The following PDE11A variants were observed in gnomAD, a reference collection of about 807,000 sequenced individuals.
PDE11A encodes phosphodiesterase 11A, also known as dual 3',5'-cyclic-AMP and -GMP phosphodiesterase 11A.
Under a neutral mutation model 100.5 loss-of-function variants are expected in PDE11A, and 100 were observed. That is an observed-to-expected ratio of 1.00 (90% CI 0.85 to 1.18). PDE11A has a LOEUF of 1.18. Ranked by LOEUF, PDE11A falls within the 50% of genes most tolerant of loss-of-function variation. The pLI, the probability that PDE11A is intolerant of heterozygous loss-of-function variation, is 0.00. For synonymous variants in PDE11A, 381 were observed against 420.8 expected, an observed-to-expected ratio of 0.91 and a Z score of 1.16; for missense variants, 1,141 against 1,152.6, an observed-to-expected ratio of 0.99 and a Z score of 0.15.
chr2:177,739,329 A>G (rs778406720), intron 10 of PDE11A, among the ~76,000 whole-genome samples: 1 of 152,304 alleles, frequency 6.6e-6, no homozygotes, highest in Non-Finnish European at 1.5e-5. Flanking sequence ...GCTAATGGCA[A>G]TAGTAGGCTA....
intron 1 of PDE11A, among the ~76,000 whole-genome samples, chr2:178,030,829 G>C (rs2086536586): frequency 1.3e-5 from 2 of 152,150 alleles, no homozygotes; most frequent in African/African-American, 4.8e-5. Context: ...AGTGAATCTT[G>C]TGATTGTGTC....
At chr2:177,830,299 T>C (rs1482887133) in intron 6 of PDE11A, among the ~76,000 whole-genome samples, 1 of 152,152 alleles carries the variant, frequency 6.6e-6, no homozygotes, top group African/African-American at 2.4e-5. Flanking sequence ...AACTGTGAGA[T>C]AATAATCAGT....
Position 177,956,266 on chromosome 2 carries a change from TC to T in PDE11A, c.1072-51080del, listed in dbSNP as rs1221980770. Among the ~76,000 whole-genome samples the T allele has an allele frequency of 8.5e-5, 13 of 152,238 alleles. No individual in the cohort carries two copies. The East Asian group carries it at 2.3e-3, about 27-fold the overall frequency. On this transcript the variant is annotated intron_variant, in intron 2 of 19. Coordinates refer to ENST00000286063, the MANE Select transcript of PDE11A (RefSeq NM_016953.4). ...TGGGCGAAGGATATGAACAGACACT[TC>T]TCAAAAGAAGATATTTATGCAGCCA...
At chr2:177,914,806 C>T (rs1374738995) in intron 2 of PDE11A, among the ~76,000 whole-genome samples, 3 of 152,142 alleles carry the variant, frequency 2.0e-5, no homozygotes, top group Non-Finnish European at 2.9e-5. Flanking sequence ...AATACATTCA[C>T]ATTATTTCCT....
At chr2:177,674,172 CCT>C in intron 17 of PDE11A, among the ~76,000 whole-genome samples, 1 of 152,214 alleles carries the variant, frequency 6.6e-6, no homozygotes, top group East Asian at 1.9e-4. Context: ...AGCTCTGCCA[CCT>C]ACAAGCTGTT....
At chr2:178,028,574 T>C (rs1207058341) in intron 1 of PDE11A, among the ~76,000 whole-genome samples, 12 of 152,210 alleles carry the variant, frequency 7.9e-5, no homozygotes, top group Non-Finnish European at 1.8e-4. Flanking sequence ...GGCACTCTCA[T>C]CTAAGCTATT....
intron 2 of PDE11A, among the ~76,000 whole-genome samples, chr2:178,094,443 G>A (rs1191945529): frequency 2.0e-5 from 3 of 152,130 alleles, no homozygotes; most frequent in African/African-American, 7.2e-5. Flanking sequence ...GAGGCGGGAT[G>A]ATCAGTTGAG....
At chr2:178,053,661 C>CAA (rs202004337) in intron 1 of PDE11A, among the ~76,000 whole-genome samples, 3,802 of 151,880 alleles carry the variant, frequency 0.025, 147 homozygotes, top group African/African-American at 0.086. Context: ...GCAACTTCAG[C>CAA]AGTCTCAGGA....
chr2:177,654,653 T>C (rs1034004591), intron 19 of PDE11A, among the ~76,000 whole-genome samples: 5 of 152,170 alleles, frequency 3.3e-5, no homozygotes, highest in Admixed American at 6.5e-5. Context: ...TGGACAGTAG[T>C]ATGAAGGGGT....
rs545601150 is a variant in PDE11A at position 178,041,542 on chromosome 2, A to G, written c.913-27082T>C. Among the ~76,000 whole-genome samples the G allele has an allele frequency of 3.0e-4, 45 of 152,228 alleles. No homozygotes were observed. In the South Asian group the frequency reaches 9.1e-3, roughly 31 times the overall value. Reference sequence around the variant, plus strand: ...GGTGTGAGCCATCGCACCCGGCCAGAAAATTCTTTTAAGAACCACGTGACT... The same window carrying G: ...GGTGTGAGCCATCGCACCCGGCCAGGAAATTCTTTTAAGAACCACGTGACT... On this transcript the variant is annotated intron_variant, in intron 1 of 19. Transcript: ENST00000286063.
chr2:177,998,109 G>A (rs748662529), intron 2 of PDE11A: 72 of 1,291,670 alleles, frequency 5.6e-5, no homozygotes, highest in African/African-American at 7.3e-5. Flanking sequence ...GTTCTAGGTC[G>A]GCCTGTTCAG....
intron 12 of PDE11A, among the ~76,000 whole-genome samples, chr2:177,715,401 G>A (rs536809611): frequency 6.6e-6 from 1 of 152,026 alleles, no homozygotes; most frequent in African/African-American, 2.4e-5. Flanking sequence ...TTCAATTTGT[G>A]TGTTAAGCCT....
intron 9 of PDE11A, among the ~76,000 whole-genome samples, chr2:177,774,727 A>G (rs114652872): frequency 0.011 from 1,681 of 152,258 alleles, 36 homozygotes; most frequent in African/African-American, 0.038. Context: ...CTAACTTCCA[A>G]CTTGGTCAAT....
intron 1 of PDE11A, among the ~76,000 whole-genome samples, chr2:178,036,087 T>C (rs1056368550): frequency 3.9e-5 from 6 of 152,142 alleles, no homozygotes; most frequent in African/African-American, 1.4e-4. Flanking sequence ...TCAAATTGTC[T>C]CTGTTTGCAG....
chr2:177,937,511 G>A (rs1394566525), intron 2 of PDE11A, among the ~76,000 whole-genome samples: 2 of 152,066 alleles, frequency 1.3e-5, no homozygotes, highest in East Asian at 3.9e-4. Context: ...CAGAGACGGG[G>A]TTTCACTATG....
chr2:178,100,609 T>C (rs16866088), intron 2 of PDE11A, among the ~76,000 whole-genome samples: 1,819 of 152,324 alleles, frequency 0.012, 31 homozygotes, highest in East Asian at 0.071. Flanking sequence ...TTATTGTTCT[T>C]ATCTCATCAG....
In PDE11A at chr2:177,905,176, C is replaced by T. The variant is rs766449209; in HGVS notation, c.1083G>A (p.Met361Ile). The change falls in exon 3 of 20, where the codon ATG becomes ATA. Residue 361 changes from methionine to isoleucine, a missense_variant. Met to Ile is a conservative substitution (Grantham distance 10, BLOSUM62 1). Transcript: ENST00000286063. ...FTEDDEKVMQ[M>I]YLPFCGIAIS... ...TGGCGATTCCACAAAATGGAAGATA[C>T]ATCTGCATAACCTGGGACAAAGAGA... 3.1e-6 allele frequency: 5 copies of T among 1,593,316 alleles called. No individual in the cohort carries two copies. The South Asian group carries it at 3.3e-5, about 11-fold the overall frequency.
intron 19 of PDE11A, among the ~76,000 whole-genome samples, chr2:177,645,086 G>A (rs1226556684): frequency 6.6e-6 from 1 of 152,216 alleles, no homozygotes; most frequent in African/African-American, 2.4e-5. Context: ...GCACATGATA[G>A]TTGGAACCAG....
At position 177,890,898 on chromosome 2, in the gene PDE11A, T is replaced by C. The variant is rs114068503; in HGVS notation, c.1302+7160A>G. Among the ~76,000 whole-genome samples the C allele has an allele frequency of 7.2e-3, 1,098 of 152,338 alleles. 13 individuals carry two copies. The highest frequency in any genetic ancestry group is 0.025 in the African/African-American group (1,022 of 41,558). ...TAAAAACAGCTTCTTTTTATATATG[T>C]TGTTTCTCCCCTTTATTATTCACCT... is the stretch of plus-strand genomic sequence containing the variant. On this transcript the variant is annotated intron_variant, in intron 4 of 19. Coordinates refer to ENST00000286063, the MANE Select transcript of PDE11A (RefSeq NM_016953.4).
Sources: allele counts gnomAD v4.1 joint callset (sites outside exome capture counted in the v4.1 genomes callset), GRCh38; gene constraint gnomAD v4.1.1; transcripts MANE v1.5; gene names NCBI Gene and HGNC (gene_info 2026-07-23, HGNC 2026-07-21).